Variants in YAP1 observed in about 807,000 individuals in gnomAD.
YAP1 encodes Yes1 associated transcriptional regulator, also known as transcriptional coactivator YAP1.
YAP1 carries 5 observed loss-of-function variants against 56.9 expected under a neutral mutation model. That is an observed-to-expected ratio of 0.09 (90% confidence interval 0.05 to 0.18). The LOEUF is 0.18. Among genes scored for constraint, YAP1 ranks in the 10% least tolerant of loss-of-function variants. The pLI is 1.00. For synonymous variants in YAP1, 265 were observed against 248.1 expected (o/e 1.07, Z -0.64); for missense variants, 539 against 651.8 (o/e 0.83, Z 1.88).
At chr11:102,159,121 G>A (rs1248956967) in intron 2 of YAP1, among the ~76,000 whole-genome samples, 1 of 152,110 alleles carries the variant, frequency 6.6e-6, no homozygotes, top group South Asian at 2.1e-4. Flanking sequence ...CCTTCCCCTA[G>A]GAGCCAATAT....
intron 3 of YAP1, among the ~76,000 whole-genome samples, chr11:102,173,612 A>G (rs772929079): frequency 2.6e-5 from 4 of 152,154 alleles, no homozygotes; most frequent in African/African-American, 7.2e-5. Flanking sequence ...TCAATGATCT[A>G]TTGAGTGTTC....
intron 5 of YAP1, 134 bp downstream of exon 5, chr11:102,206,208 C>G (rs1265841078): frequency 9.6e-6 from 10 of 1,039,436 alleles, no homozygotes; most frequent in East Asian, 5.4e-5. Context: ...CAGAAGCATT[C>G]TATCCAGCCC....
chr11:102,171,938 C>T (rs1247210540), intron 3 of YAP1, among the ~76,000 whole-genome samples: 1 of 151,978 alleles, frequency 6.6e-6, no homozygotes, highest in Non-Finnish European at 1.5e-5. Flanking sequence ...ACTTGTAATC[C>T]CAGCACTTTG....
intron 4 of YAP1, among the ~76,000 whole-genome samples, chr11:102,190,999 C>A (rs994779831): frequency 1.3e-4 from 19 of 151,950 alleles, no homozygotes; most frequent in African/African-American, 4.6e-4. Flanking sequence ...CATGGTGACA[C>A]CCCATCTCTG....
chr11:102,138,924 C>T (rs550351760), intron 2 of YAP1, among the ~76,000 whole-genome samples: 1 of 152,290 alleles, frequency 6.6e-6, no homozygotes, highest in African/African-American at 2.4e-5. Context: ...TTACATCACA[C>T]GTGTCCAGGT....
At chr11:102,143,477 A>G (rs552355210) in intron 2 of YAP1, among the ~76,000 whole-genome samples, 3 of 152,348 alleles carry the variant, frequency 2.0e-5, no homozygotes, top group African/African-American at 7.2e-5. Flanking sequence ...TGAGATGGGT[A>G]GACCCTCATT....
At chr11:102,168,177 G>T (rs1456766997) in intron 3 of YAP1, among the ~76,000 whole-genome samples, 1 of 152,182 alleles carries the variant, frequency 6.6e-6, no homozygotes, top group Admixed American at 6.5e-5. Flanking sequence ...CATTAGAAAA[G>T]AAAGCCCTGG....
intron 3 of YAP1, 32 bp downstream of exon 3, chr11:102,162,603 A>G (rs1399030045): frequency 1.9e-6 from 3 of 1,588,176 alleles, no homozygotes; most frequent in East Asian, 2.2e-5. Flanking sequence ...CAGCACATGG[A>G]GTAATGCTTA....
intron 6 of YAP1, among the ~76,000 whole-genome samples, chr11:102,216,885 GT>G (rs1028923857): frequency 3.3e-5 from 5 of 152,112 alleles, no homozygotes; most frequent in African/African-American, 1.2e-4. Context: ...AGGTCAAATA[GT>G]TTTTTTCTAA....
chr11:102,162,345 T>C, intron 2 of YAP1, 111 bp from the exon 3 acceptor site: 1 of 831,418 alleles, frequency 1.2e-6, no homozygotes, highest in Non-Finnish European at 2.0e-6. Context: ...TGCTGTGACT[T>C]AATGCTTTTA....
At position 102,110,870 on chromosome 11, in the gene YAP1, C is replaced by T. The variant is rs1230599890; in HGVS notation, c.22C>T (p.Pro8Ser). The T allele has an allele frequency of 2.1e-6, 3 of 1,417,626 alleles. No individual in the cohort carries two copies. The highest frequency in any genetic ancestry group is 2.8e-6 in the Non-Finnish European group (3 of 1,083,994). 87.8% of individuals were successfully genotyped at this position (1,417,626 alleles called of 1,614,324 possible). The change falls in exon 1 of 9, where the codon CCG (proline) becomes TCG (serine). Residue 8 changes from proline (P) to serine (S), a missense_variant. Pro to Ser is a moderately conservative substitution (Grantham distance 74, BLOSUM62 -1). This residue lies in a region of YAP1 where 106 missense variants were observed against 86.6 expected (regional missense o/e 1.22). Transcript: ENST00000282441. ...AGCCATGGATCCCGGGCAGCAGCCGCCGCCTCAACCGGCCCCCCAGGGCCA... is the reference window on the plus strand; with the variant it reads ...AGCCATGGATCCCGGGCAGCAGCCGTCGCCTCAACCGGCCCCCCAGGGCCA... MDPGQQP[P>S]PQPAPQGQGQ... is the part of the protein sequence containing the mutation.
At chr11:102,149,473 A>G (rs1292808818) in intron 2 of YAP1, among the ~76,000 whole-genome samples, 1 of 152,212 alleles carries the variant, frequency 6.6e-6, no homozygotes, top group Admixed American at 6.5e-5. Context: ...AGGCAGATTT[A>G]TTGTCAAGGG....
At chr11:102,111,484 G>C (rs1216238816) in intron 1 of YAP1, among the ~76,000 whole-genome samples, 2 of 140,332 alleles carry the variant, frequency 1.4e-5, no homozygotes, top group Non-Finnish European at 3.1e-5. Flanking sequence ...GTTGGCGGGA[G>C]TGGAGGAGGG....
intron 4 of YAP1, among the ~76,000 whole-genome samples, chr11:102,187,975 T>C (rs1948069199): frequency 6.6e-6 from 1 of 152,208 alleles, no homozygotes; most frequent in Admixed American, 6.5e-5. Context: ...GGCCCGACTT[T>C]TAATCTGTTC....
chr11:102,131,182 T>C (rs922111383), intron 2 of YAP1, among the ~76,000 whole-genome samples: 5 of 152,234 alleles, frequency 3.3e-5, no homozygotes, highest in African/African-American at 7.2e-5. Context: ...GATGTAGTTA[T>C]AGTTTCTAAA....
chr11:102,205,765 T>C, intron 4 of YAP1, 128 bp from the exon 5 acceptor site: 1 of 806,780 alleles, frequency 1.2e-6, no homozygotes, highest in Admixed American at 3.4e-5. Context: ...GATTTTTAGG[T>C]TATTTCCAGT....
rs115652797 is a variant in YAP1 at position 102,195,947 on chromosome 11, C to T, written c.802+9816C>T. Among the ~76,000 whole-genome samples the T allele has an allele frequency of 4.4e-3, 670 of 152,260 alleles. 6 individuals are homozygous for T. Among genetic ancestry groups the T allele is most frequent in the African/African-American group, 0.015 (616 of 41,526 alleles). ...TGTTAGAGCAGGTGAACTGTCCCCACATATTGATCATTAGAGAAATGCAAA... is the reference window on the plus strand; with the variant it reads ...TGTTAGAGCAGGTGAACTGTCCCCATATATTGATCATTAGAGAAATGCAAA... On this transcript the variant is annotated intron_variant, in intron 4 of 8. Coordinates refer to ENST00000282441, the MANE Select transcript of YAP1 (RefSeq NM_001130145.3).
At chr11:102,121,910 A>G (rs1177539317) in intron 2 of YAP1, among the ~76,000 whole-genome samples, 1 of 152,044 alleles carries the variant, frequency 6.6e-6, no homozygotes, top group Non-Finnish European at 1.5e-5. Flanking sequence ...TGATCCTCCC[A>G]CCTGAGCCTC....
chr11:102,181,398 A>G (rs914779680), intron 3 of YAP1, among the ~76,000 whole-genome samples: 15 of 152,254 alleles, frequency 9.9e-5, no homozygotes, highest in African/African-American at 3.6e-4. Flanking sequence ...GTGAGCCGAG[A>G]TTGCGCCACT....
Sources: gnomAD v4.1 joint callset for allele counts (sites outside exome capture counted in the v4.1 genomes callset) on GRCh38, gnomAD v4.1.1 for gene constraint, gnomAD v4.1.1 regional missense constraint, MANE v1.5 for transcripts, NCBI Gene and HGNC (gene_info 2026-07-23, HGNC 2026-07-21) for gene names.